The following MAPK8 variants were observed in gnomAD, a reference collection of about 807,000 sequenced individuals.
MAPK8 encodes mitogen-activated protein kinase 8.
Under a neutral mutation model 52.9 loss-of-function variants are expected in MAPK8, and 13 were observed. The ratio of observed to expected loss-of-function variants is 0.25; its 90% CI spans 0.16 to 0.39. MAPK8 has a LOEUF of 0.39. Ranked by LOEUF, MAPK8 falls within the 10% of genes least tolerant of loss-of-function variation. MAPK8 has a pLI of 1.00. For synonymous variants in MAPK8, 191 were observed against 169.8 expected (o/e 1.12, Z -0.97); for missense variants, 300 against 519.2 (o/e 0.58, Z 4.10).
intron 10 of MAPK8, 55 bp downstream of exon 10, chr10:48,427,198 A>T (rs2043738061): frequency 7.8e-7 from 1 of 1,289,632 alleles, no homozygotes; most frequent in Admixed American, 1.8e-5. Flanking sequence ...TGGTTTTTAT[A>T]TGGTGATTTA....
chr10:48,324,503 G>GTTTTTTTTTTTTTTGTTTTTTTTT (rs1843294130), intron 1 of MAPK8, among the ~76,000 whole-genome samples: 1 of 118,020 alleles, frequency 8.5e-6, no homozygotes, highest in African/African-American at 3.6e-5. Flanking sequence ...CTGTTTTCTA[G>GTTTTTTTTTTTTTTGTTTTTTTTT]TTTTTTTTTT....
At chr10:48,310,620 A>G (rs1415697626) in intron 1 of MAPK8, among the ~76,000 whole-genome samples, 2 of 152,160 alleles carry the variant, frequency 1.3e-5, no homozygotes, top group Non-Finnish European at 2.9e-5. Context: ...GCATCGCTAA[A>G]CAGTTAATTT....
Position 48,434,923 on chromosome 10 carries a change from C to T in MAPK8, c.1178C>T (p.Ser393Leu), listed in dbSNP as rs1422869920. 2.5e-6 allele frequency: 4 copies of T among 1,612,556 alleles called. No homozygotes were observed. Among genetic ancestry groups the T allele is most frequent in the Admixed American group, 1.7e-5 (1 of 59,262 alleles). ...VINGSQHPSS[S>L]SSVNDVSSMS... is the part of the protein sequence containing the mutation. ...AATGGCTCTCAGCATCCATCATCAT[C>T]GTCGTCTGTCAATGATGTGTCTTCA... Residue 393 changes from serine to leucine, a missense_variant, in exon 12 of 12, where the codon TCG becomes TTG. This residue lies in a region of MAPK8 where 119 missense variants were observed against 154.4 expected (regional missense o/e 0.77). Coordinates refer to ENST00000374189, the MANE Select transcript of MAPK8 (RefSeq NM_001323329.2).
chr10:48,360,051 C>G (rs146512620), intron 1 of MAPK8, among the ~76,000 whole-genome samples: 112 of 152,242 alleles, frequency 7.4e-4, no homozygotes, highest in Non-Finnish European at 3.1e-4. Context: ...CCTGTAATCC[C>G]ACTTTCTTGG....
intron 1 of MAPK8, among the ~76,000 whole-genome samples, chr10:48,342,260 C>T (rs1195788433): frequency 5.3e-5 from 8 of 152,188 alleles, no homozygotes; most frequent in East Asian, 3.9e-4. Context: ...CACACCACCT[C>T]GCCCATCCAT....
At chr10:48,429,639 G>GT (rs1589289908) in intron 10 of MAPK8, among the ~76,000 whole-genome samples, 1 of 152,224 alleles carries the variant, frequency 6.6e-6, no homozygotes, top group East Asian at 1.9e-4. Flanking sequence ...TACTGCAAAT[G>GT]TTTATCATTC....
At position 48,306,680 on chromosome 10, in the gene MAPK8, A is replaced by C. The variant is rs975320938; in HGVS notation, c.-191A>C. 8 of 150,678 alleles carry C rather than the reference A, an allele frequency of 5.3e-5. No individual in the cohort carries two copies. Among genetic ancestry groups the C allele is most frequent in the East Asian group, 2.0e-4 (1 of 5,108 alleles). 9.3% of individuals were successfully genotyped at this position (150,678 alleles called of 1,614,324 possible). On this transcript the variant is annotated 5_prime_UTR_variant, in exon 1 of 12. Transcript: ENST00000374189. ...CGCGGTGACGGCCCGCGTCTCTGTTACTCAGCCGAGCGGCCGAGGCCGGAC... is the reference window on the plus strand; with the variant it reads ...CGCGGTGACGGCCCGCGTCTCTGTTCCTCAGCCGAGCGGCCGAGGCCGGAC...
chr10:48,375,711 A>G (rs1183093045), intron 1 of MAPK8, among the ~76,000 whole-genome samples: 1 of 152,246 alleles, frequency 6.6e-6, no homozygotes. Context: ...AAGGAGAACT[A>G]CAAAACATTG....
chr10:48,355,523 A>AAT (rs1357612182), intron 1 of MAPK8, among the ~76,000 whole-genome samples: 2 of 151,928 alleles, frequency 1.3e-5, no homozygotes, highest in African/African-American at 4.8e-5. Flanking sequence ...AAAAAAAAAA[A>AAT]AATCCTCAAT....
At chr10:48,384,975 T>G (rs533844634) in intron 1 of MAPK8, among the ~76,000 whole-genome samples, 178 of 148,396 alleles carry the variant, frequency 1.2e-3, no homozygotes, top group Non-Finnish European at 2.0e-3. Flanking sequence ...GAGAGGCTCA[T>G]ATTTTTAGAG....
At chr10:48,333,245 C>T (rs1844323554) in intron 1 of MAPK8, among the ~76,000 whole-genome samples, 1 of 152,224 alleles carries the variant, frequency 6.6e-6, no homozygotes. Flanking sequence ...GTAATACAGC[C>T]TCATATTTTA....
chr10:48,334,442 C>T (rs7081528), intron 1 of MAPK8, among the ~76,000 whole-genome samples: 141 of 152,250 alleles, frequency 9.3e-4, no homozygotes, highest in African/African-American at 3.4e-3. Context: ...GTCACACACA[C>T]TCGACCTCCA....
At chr10:48,369,548 T>A (rs1414650588) in intron 1 of MAPK8, among the ~76,000 whole-genome samples, 1 of 152,090 alleles carries the variant, frequency 6.6e-6, no homozygotes, top group African/African-American at 2.4e-5. Flanking sequence ...AGGGAAAAGC[T>A]CAATAGTAGA....
intron 1 of MAPK8, among the ~76,000 whole-genome samples, chr10:48,353,877 A>G (rs528099317): frequency 3.3e-5 from 5 of 152,308 alleles, no homozygotes; most frequent in Admixed American, 1.3e-4. Flanking sequence ...GGATGGGGTT[A>G]TGGGAACAGA....
chr10:48,344,801 A>G (rs559764244), intron 1 of MAPK8, among the ~76,000 whole-genome samples: 62 of 152,332 alleles, frequency 4.1e-4, no homozygotes, highest in African/African-American at 1.1e-3. Context: ...TAGAATTACA[A>G]AGAGACAAGG....
intron 7 of MAPK8, chr10:48,424,640 C>G: frequency 8.3e-7 from 1 of 1,206,928 alleles, no homozygotes; most frequent in Non-Finnish European, 1.2e-6. Context: ...TGTATGATAG[C>G]ACTTCAGTTT....
intron 1 of MAPK8, among the ~76,000 whole-genome samples, chr10:48,321,681 A>C (rs2132157964): frequency 6.6e-6 from 1 of 152,300 alleles, no homozygotes; most frequent in East Asian, 1.9e-4. Context: ...AGTTAATTTT[A>C]TGGTGTATGG....
intron 6 of MAPK8, among the ~76,000 whole-genome samples, chr10:48,423,026 A>G (rs768199883): frequency 7.2e-5 from 11 of 152,198 alleles, no homozygotes; most frequent in Non-Finnish European, 1.3e-4. Context: ...TCACAACTAA[A>G]TGCAAGTTTC....
intron 1 of MAPK8, among the ~76,000 whole-genome samples, chr10:48,319,704 C>A (rs923609504): frequency 1.3e-5 from 2 of 152,024 alleles, no homozygotes; most frequent in African/African-American, 4.8e-5. Context: ...GTTGGCCAGG[C>A]TGATCTTGAA....
Sources: allele counts gnomAD v4.1 joint callset (sites outside exome capture counted in the v4.1 genomes callset), GRCh38; gene constraint gnomAD v4.1.1; regional missense constraint gnomAD v4.1.1; transcripts MANE v1.5; gene names NCBI Gene and HGNC (gene_info 2026-07-23, HGNC 2026-07-21).